The following SIRPB1 variants were observed in gnomAD, a reference collection of about 807,000 sequenced individuals.
SIRPB1 encodes signal regulatory protein beta 1.
Under a neutral mutation model 34.1 loss-of-function variants are expected in SIRPB1, and 28 were observed. The observed-to-expected ratio is 0.82, with a 90% CI of 0.61 to 1.12. SIRPB1 has a LOEUF of 1.12. SIRPB1 is among the 50% of genes most tolerant of loss of function. The pLI, the probability that SIRPB1 is intolerant of heterozygous loss-of-function variation, is 0.00. For missense variants in SIRPB1, 499 were observed against 507.0 expected (o/e 0.98, Z 0.15); for synonymous variants, 211 against 203.8 (o/e 1.04, Z -0.30).
At position 1,595,883 on chromosome 20, in the gene SIRPB1, AAAC is replaced by A. The variant is rs1237373341; in HGVS notation, c.77-17192_77-17190del. On this transcript the variant is annotated intron_variant, in intron 1 of 5. Transcript: ENST00000381605. ...CAACTAACAAGCTGAGCAAATCAAA[AAAC>A]AACAACTGCTCTTAGATCTGTCGGA... Among the ~76,000 whole-genome samples the A allele has an allele frequency of 4.1e-5, 2 of 49,292 alleles. 1 individual carries two copies. Among genetic ancestry groups the A allele is most frequent in the Non-Finnish European group, 7.8e-5 (2 of 25,494 alleles). 32.3% of individuals were successfully genotyped at this position (49,292 alleles called of 152,430 possible). A position where few individuals can be genotyped will look rare whatever the true frequency, so the allele number is the denominator to read the frequency against.
Position 1,596,476 on chromosome 20 carries a change from G to T in SIRPB1, c.77-17782C>A, listed in dbSNP as rs1335960846. ...CATTATATTCCCCTTTGGATGTAGAGTTGCTTTCCAGGGTTTCAGTATTTT... is the reference window on the plus strand; with the variant it reads ...CATTATATTCCCCTTTGGATGTAGATTTGCTTTCCAGGGTTTCAGTATTTT... On this transcript the variant is annotated intron_variant, in intron 1 of 5. Transcript: ENST00000381605. 4.1e-5 allele frequency among the ~76,000 whole-genome samples: 2 copies of T among 48,850 alleles called. 1 individual carries two copies. Among genetic ancestry groups the T allele is most frequent in the African/African-American group, 2.7e-4 (2 of 7,386 alleles). The allele number at this position is 48,850 out of a possible 152,430, so 32.0% of individuals were successfully genotyped here. A position where few individuals can be genotyped will look rare whatever the true frequency, so the allele number is the denominator to read the frequency against.
chr20:1,571,400 C>T (rs1444408447), intron 3 of SIRPB1, among the ~76,000 whole-genome samples: 1 of 152,176 alleles, frequency 6.6e-6, no homozygotes, highest in Non-Finnish European at 1.5e-5. Flanking sequence ...CCCTGGCATG[C>T]AGTTGGAATG....
At position 1,578,437 on chromosome 20, in the gene SIRPB1, G is replaced by A. The variant is rs2091350435; in HGVS notation, c.334C>T (p.Pro112Ser). 1 of 1,584,736 alleles carries A rather than the reference G, an allele frequency of 6.3e-7. No homozygotes were observed. Among genetic ancestry groups the A allele is most frequent in the South Asian group, 1.1e-5 (1 of 90,512 alleles). Reference protein sequence around the residue: ...DFSISISNITPADAGTYYCVK... With the variant: ...DFSISISNITSADAGTYYCVK... ...CAGTAGTAGGTGCCGGCGTCTGCTG[G>A]GGTGATGTTACTGATGCTGATGGAA... Residue 112 changes from proline (P) to serine (S), a missense_variant, in exon 2 of 6, where the codon CCA becomes TCA. Pro to Ser is a moderately conservative substitution (Grantham distance 74, BLOSUM62 -1). Transcript: ENST00000381605.
intron 4 of SIRPB1, among the ~76,000 whole-genome samples, chr20:1,569,145 G>A (rs953761523): frequency 1.3e-5 from 2 of 152,104 alleles, no homozygotes; most frequent in Admixed American, 6.5e-5. Context: ...AATAGGAAAC[G>A]AAAAATGTGA....
In SIRPB1 at chr20:1,590,162, G is replaced by C. The variant is rs1393588133; in HGVS notation, c.77-11468C>G. Among the ~76,000 whole-genome samples the C allele has an allele frequency of 4.1e-5, 2 of 48,430 alleles. 1 individual carries two copies. Among genetic ancestry groups the C allele is most frequent in the African/African-American group, 2.7e-4 (2 of 7,292 alleles). The allele number at this position is 48,430 out of a possible 152,430, so 31.8% of individuals were successfully genotyped here. On this transcript the variant is annotated intron_variant, in intron 1 of 5. Coordinates refer to ENST00000381605, the MANE Select transcript of SIRPB1 (RefSeq NM_006065.5). The stretch of plus-strand genomic sequence containing the variant: ...TTTGTATCATCTATGACTTAGAAAG[G>C]CCTGTCTGGAAGCTTCCCTGTCACA...
rs1015848453 is a variant in SIRPB1 at position 1,561,578 on chromosome 20, T to C, written c.*3922A>G. On this transcript the variant is annotated 3_prime_UTR_variant, in exon 6 of 6. Coordinates refer to ENST00000381605, the MANE Select transcript of SIRPB1 (RefSeq NM_006065.5). ...CAGTTTTGAGGAGTTCTGGGCCCGA[T>C]GTTGCAGAATGCCTCCTTATTGAAA... Among the ~76,000 whole-genome samples the C allele has an allele frequency of 3.3e-5, 5 of 152,202 alleles. No individual in the cohort carries two copies. Among genetic ancestry groups the C allele is most frequent in the African/African-American group, 1.2e-4 (5 of 41,456 alleles).
At chr20:1,576,292 A>G (rs568203463) in intron 2 of SIRPB1, among the ~76,000 whole-genome samples, 2 of 148,222 alleles carry the variant, frequency 1.3e-5, no homozygotes, top group Admixed American at 1.3e-4. Flanking sequence ...TTCAGTCATT[A>G]CTGAGCAATG....
intron 2 of SIRPB1, among the ~76,000 whole-genome samples, chr20:1,572,240 G>A (rs574743512): frequency 7.2e-5 from 11 of 152,320 alleles, no homozygotes; most frequent in Admixed American, 3.9e-4. Flanking sequence ...CAGACAGTGA[G>A]TAGGGGCAGG....
chr20:1,588,418 A>G lies in SIRPB1; in HGVS notation c.77-9724T>C. The G allele has an allele frequency of 8.6e-6, 2 of 231,460 alleles. 1 individual carries two copies. The highest frequency in any genetic ancestry group is 8.9e-5 in the Admixed American group (2 of 22,478). 14.3% of individuals were successfully genotyped at this position (231,460 alleles called of 1,614,324 possible). A position where few individuals can be genotyped will look rare whatever the true frequency, so the allele number is the denominator to read the frequency against. The stretch of plus-strand genomic sequence containing the variant: ...CTGCTGATCCACAGAGAAAGTGCTC[A>G]GCTCCATGATGTCCTGCTCTTAGGC... On this transcript the variant is annotated intron_variant, in intron 1 of 5. Transcript: ENST00000381605.
chr20:1,578,053 A>T, intron 2 of SIRPB1: 1 of 467,374 alleles, frequency 2.1e-6, no homozygotes, highest in Non-Finnish European at 3.9e-6. Context: ...GAGTTCCCTC[A>T]TCTGTGGAAC....
intron 2 of SIRPB1, among the ~76,000 whole-genome samples, chr20:1,577,693 T>A (rs1238272067): frequency 2.1e-5 from 3 of 145,898 alleles, no homozygotes; most frequent in Non-Finnish European, 4.6e-5. Context: ...TGGCATCTCC[T>A]CCCACCAAGC....
Position 1,594,301 on chromosome 20 carries a change from A to C in SIRPB1, c.77-15607T>G, listed in dbSNP as rs1372810448. 4.1e-5 allele frequency among the ~76,000 whole-genome samples: 2 copies of C among 49,140 alleles called. 1 individual carries two copies. Among genetic ancestry groups the C allele is most frequent in the Non-Finnish European group, 7.8e-5 (2 of 25,508 alleles). The allele number at this position is 49,140 out of a possible 152,430, so 32.2% of individuals were successfully genotyped here. ...CTTGGAGCAGCAAGTTGCCTTCCCA[A>C]GGAAGGAACTGTCAAGGAGTTCTCA... On this transcript the variant is annotated intron_variant, in intron 1 of 5. Transcript: ENST00000381605.
intron 4 of SIRPB1, among the ~76,000 whole-genome samples, chr20:1,567,712 C>G (rs2091161159): frequency 6.6e-6 from 1 of 152,224 alleles, no homozygotes. Flanking sequence ...AGTGTTACCA[C>G]AGGAAGGAAA....
chr20:1,572,608 T>A (rs2091259312), intron 2 of SIRPB1, among the ~76,000 whole-genome samples: 1 of 151,960 alleles, frequency 6.6e-6, no homozygotes, highest in South Asian at 2.1e-4. Flanking sequence ...TTGCTCTGGA[T>A]CAAACACAGA....
chr20:1,578,280 G>A, intron 2 of SIRPB1, 58 bp downstream of exon 2: 1 of 1,516,820 alleles, frequency 6.6e-7, no homozygotes, highest in Non-Finnish European at 9.1e-7. Flanking sequence ...AATGGATAAT[G>A]TAATTATTGA....
chr20:1,578,590 G>A lies in SIRPB1; in HGVS notation c.181C>T (p.Pro61Ser), dbSNP rs779121951. Residue 61 changes from proline to serine, a missense_variant, in exon 2 of 6, where the codon CCT becomes TCT. By Grantham distance (74) the Pro-to-Ser change is moderately conservative (BLOSUM62 -1). Transcript: ENST00000381605. ...CTAAACCACATGATGGGCCCCACAG[G>A]GATCAGGGACGTCATAGCACAGCGC... ...TLRCAMTSLI[P>S]VGPIMWFRGA... 1.3e-6 allele frequency: 2 copies of A among 1,584,016 alleles called. No individual in the cohort carries two copies. The highest frequency in any genetic ancestry group is 3.4e-5 in the Admixed American group (2 of 59,328).
Position 1,595,132 on chromosome 20 carries a change from T to C in SIRPB1, c.77-16438A>G, listed in dbSNP as rs1182726995. Among the ~76,000 whole-genome samples, 2 of 47,792 alleles carry C rather than the reference T, an allele frequency of 4.2e-5. 1 individual carries two copies. Among genetic ancestry groups the C allele is most frequent in the Non-Finnish European group, 8.0e-5 (2 of 24,946 alleles). The allele number at this position is 47,792 out of a possible 152,430, so 31.4% of individuals were successfully genotyped here. On this transcript the variant is annotated intron_variant, in intron 1 of 5. Coordinates refer to ENST00000381605, the MANE Select transcript of SIRPB1 (RefSeq NM_006065.5). ...GAGAATCACTATGACTAGGGCAAGG[T>C]GCATCCTAATTAGGGTCTACACAGA...
At position 1,604,909 on chromosome 20, in the gene SIRPB1, G is replaced by A. The variant is rs774879695; in HGVS notation, c.76+14960C>T. ...ACTGTCTCCTGCGGGGTCCACGTTGGTCTGGAAGTCTGAGAGCTCATTCCC... is the reference window on the plus strand; with the variant it reads ...ACTGTCTCCTGCGGGGTCCACGTTGATCTGGAAGTCTGAGAGCTCATTCCC... On this transcript the variant is annotated intron_variant, in intron 1 of 5. Coordinates refer to ENST00000381605, the MANE Select transcript of SIRPB1 (RefSeq NM_006065.5). The A allele has an allele frequency of 4.1e-5, 25 of 610,128 alleles. 10 individuals are homozygous for A. In the Admixed American group the frequency reaches 6.8e-4, roughly 17 times the overall value. 37.8% of individuals were successfully genotyped at this position (610,128 alleles called of 1,614,324 possible).
chr20:1,569,191 T>C (rs1200557283), intron 4 of SIRPB1, among the ~76,000 whole-genome samples: 2 of 152,218 alleles, frequency 1.3e-5, no homozygotes, highest in Admixed American at 6.5e-5. Flanking sequence ...GAATCTATGA[T>C]TATAAAATAT....
Sources: allele counts gnomAD v4.1 joint callset (sites outside exome capture counted in the v4.1 genomes callset), GRCh38; gene constraint gnomAD v4.1.1; transcripts MANE v1.5; gene names NCBI Gene and HGNC (gene_info 2026-07-23, HGNC 2026-07-21).